DCAF1: variants seen among roughly 807,000 people sequenced by gnomAD.
DCAF1 encodes DDB1- and CUL4-associated factor 1.
In DCAF1, 15 loss-of-function variants were observed where a neutral mutation model predicts 128.0. The ratio of observed to expected loss-of-function variants is 0.12; its 90% CI spans 0.08 to 0.18. The LOEUF (loss-of-function observed/expected upper bound fraction) is 0.18. Ranked by LOEUF, DCAF1 falls within the 10% of genes least tolerant of loss-of-function variation. The pLI is 1.00. For missense variants in DCAF1, 988 were observed against 1,649.5 expected, an observed-to-expected ratio of 0.60 and a Z score of 6.95; for synonymous variants, 610 against 603.0, an observed-to-expected ratio of 1.01 and a Z score of -0.17.
intron 2 of DCAF1, among the ~76,000 whole-genome samples, chr3:51,492,625 T>C (rs537623723): frequency 6.6e-6 from 1 of 152,156 alleles, no homozygotes; most frequent in Non-Finnish European, 1.5e-5. Context: ...CTAACATGAC[T>C]GTAGTTTAAG....
At chr3:51,485,020 A>G (rs903209855) in intron 2 of DCAF1, among the ~76,000 whole-genome samples, 29 of 152,018 alleles carry the variant, frequency 1.9e-4, no homozygotes, top group Non-Finnish European at 3.4e-4. Flanking sequence ...GGTTCAAGCA[A>G]TTCTCCTGCC....
intron 3 of DCAF1, among the ~76,000 whole-genome samples, chr3:51,474,442 TAA>T (rs368119327): frequency 1.8e-4 from 27 of 152,114 alleles, no homozygotes; most frequent in African/African-American, 6.0e-4. Context: ...TAAATAAATA[TAA>T]AAGAGTTAAA....
chr3:51,504,776 AC>A (rs1367925080), upstream of DCAF1, among the ~76,000 whole-genome samples: 2 of 152,010 alleles, frequency 1.3e-5, no homozygotes, highest in African/African-American at 4.8e-5. Context: ...CCTCATGATG[AC>A]TCAGGTCAGA....
intron 1 of DCAF1, among the ~76,000 whole-genome samples, chr3:51,497,287 T>G (rs1708329675): frequency 6.7e-6 from 1 of 150,090 alleles, no homozygotes; most frequent in Non-Finnish European, 1.5e-5. Context: ...ACAGGAAGAC[T>G]GTCTCAAAAA....
chr3:51,407,826 A>G (rs1553627151), intron 23 of DCAF1, among the ~76,000 whole-genome samples: 1 of 151,932 alleles, frequency 6.6e-6, no homozygotes, highest in African/African-American at 2.4e-5. Flanking sequence ...CATCTCTACT[A>G]AAAATACAGA....
chr3:51,497,670 G>A (rs950371942), intron 1 of DCAF1, among the ~76,000 whole-genome samples: 1 of 152,122 alleles, frequency 6.6e-6, no homozygotes, highest in Non-Finnish European at 1.5e-5. Context: ...AAGCCAAGTC[G>A]GAAGGATTGC....
At chr3:51,439,673 T>G (rs1426121081) in intron 9 of DCAF1, among the ~76,000 whole-genome samples, 1 of 152,080 alleles carries the variant, frequency 6.6e-6, no homozygotes, top group African/African-American at 2.4e-5. Context: ...TAATTTTACA[T>G]TATACAATAT....
At chr3:51,475,628 G>A (rs1456670509) in intron 3 of DCAF1, among the ~76,000 whole-genome samples, 1 of 152,216 alleles carries the variant, frequency 6.6e-6, no homozygotes, top group Non-Finnish European at 1.5e-5. Context: ...TTGGGAGGCT[G>A]AGGTGGGCAG....
At chr3:51,428,052 T>C (rs782136260) in intron 12 of DCAF1, among the ~76,000 whole-genome samples, 3 of 152,208 alleles carry the variant, frequency 2.0e-5, no homozygotes, top group East Asian at 1.9e-4. Context: ...TGACCATAGA[T>C]TGCTTAATCT....
chr3:51,403,074 G>A (rs1449148864), intron 24 of DCAF1, 69 bp downstream of exon 24: 4 of 1,528,080 alleles, frequency 2.6e-6, no homozygotes, highest in Non-Finnish European at 3.5e-6. Flanking sequence ...CCTCTAAGTT[G>A]TATGGGCACA....
In DCAF1 at chr3:51,413,080, T is replaced by A; in HGVS notation, c.4037-14A>T. The A allele has an allele frequency of 6.2e-7, 1 of 1,613,802 alleles. No individual in the cohort carries two copies. Among genetic ancestry groups the A allele is most frequent in the Non-Finnish European group, 8.5e-7 (1 of 1,179,810 alleles). On this transcript the variant is annotated splice_polypyrimidine_tract_variant and intron_variant, in intron 21 of 24. Transcript: ENST00000684031. ...CATCAATGGTTGCTGGAAAATAGAA[T>A]GTGAGAAGATTGGGATTGGACTATT...
intron 9 of DCAF1, among the ~76,000 whole-genome samples, chr3:51,434,978 T>C (rs1363714951): frequency 6.6e-6 from 1 of 152,170 alleles, no homozygotes; most frequent in Non-Finnish European, 1.5e-5. Flanking sequence ...AGATTTGTAA[T>C]TACATGATAT....
chr3:51,477,974 T>C (rs1218314584), intron 3 of DCAF1, among the ~76,000 whole-genome samples: 2 of 152,136 alleles, frequency 1.3e-5, no homozygotes, highest in Admixed American at 6.6e-5. Context: ...TATACTATTT[T>C]GTGCTACTAT....
intron 12 of DCAF1, among the ~76,000 whole-genome samples, chr3:51,428,854 G>T (rs1191844616): frequency 6.6e-6 from 1 of 151,946 alleles, no homozygotes; most frequent in Non-Finnish European, 1.5e-5. Context: ...AAAATTAGCT[G>T]GGTGTGGTGG....
chr3:51,398,644 G>T lies in DCAF1; in HGVS notation c.*125C>A. 7.7e-7 allele frequency: 1 copy of T among 1,305,544 alleles called. No homozygotes were observed. Among genetic ancestry groups the T allele is most frequent in the South Asian group, 1.4e-5 (1 of 72,080 alleles). The allele number at this position is 1,305,544 out of a possible 1,614,324, so 80.9% of individuals were successfully genotyped here. On this transcript the variant is annotated 3_prime_UTR_variant, in exon 25 of 25. Transcript: ENST00000684031. ...GAGGCTCTCTAAGCCATAATCTTCTGAATGCAGGGCATGCAGCTCCTTAAA... is the reference window on the plus strand; with the variant it reads ...GAGGCTCTCTAAGCCATAATCTTCTTAATGCAGGGCATGCAGCTCCTTAAA...
chr3:51,400,939 T>C (rs2089640681), intron 24 of DCAF1, among the ~76,000 whole-genome samples: 1 of 151,994 alleles, frequency 6.6e-6, no homozygotes, highest in South Asian at 2.1e-4. Context: ...AAGACCATCC[T>C]GGCTAACACG....
intron 6 of DCAF1, among the ~76,000 whole-genome samples, chr3:51,444,641 C>T (rs1243051711): frequency 6.6e-6 from 1 of 151,944 alleles, no homozygotes; most frequent in East Asian, 1.9e-4. Flanking sequence ...CGTGAGCAAC[C>T]ATGCCTGGCC....
chr3:51,474,427 A>G (rs1705180195), intron 3 of DCAF1, among the ~76,000 whole-genome samples: 1 of 152,144 alleles, frequency 6.6e-6, no homozygotes, highest in Non-Finnish European at 1.5e-5. Context: ...TCCCAAAAAT[A>G]TAACTAAATA....
chr3:51,450,107 A>C (rs977037233), intron 6 of DCAF1, among the ~76,000 whole-genome samples: 1 of 152,214 alleles, frequency 6.6e-6, no homozygotes, highest in African/African-American at 2.4e-5. Context: ...ACAATTTGAG[A>C]GGCTGAGGCA....
Sources: allele counts gnomAD v4.1 joint callset (sites outside exome capture counted in the v4.1 genomes callset), GRCh38; gene constraint gnomAD v4.1.1; transcripts MANE v1.5; gene names NCBI Gene and HGNC (gene_info 2026-07-23, HGNC 2026-07-21).